The following JAK1 variants were observed in gnomAD, a reference collection of about 807,000 sequenced individuals.
JAK1 encodes tyrosine-protein kinase JAK1.
A neutral mutation model predicts 136.6 loss-of-function variants in JAK1; 16 were observed. The ratio of observed to expected loss-of-function variants is 0.12; its 90% CI spans 0.08 to 0.18. The LOEUF is 0.18. Ranked by LOEUF, JAK1 falls within the 10% of genes least tolerant of loss-of-function variation. The pLI is 1.00. For synonymous variants in JAK1, 492 were observed against 519.5 expected (o/e 0.95, Z 0.72); for missense variants, 859 against 1,450.1 (o/e 0.59, Z 6.62).
At chr1:64,886,206 AT>A in intron 2 of JAK1, 52 bp downstream of exon 2, 7 of 1,241,324 alleles carry the variant, frequency 5.6e-6, no homozygotes, top group South Asian at 2.5e-5. Context: ...GGTTTCATCA[AT>A]TTTTTTAAAG....
chr1:65,039,566 T>C (rs1647110779), intron 2 of JAK1, among the ~76,000 whole-genome samples: 1 of 152,188 alleles, frequency 6.6e-6, no homozygotes, highest in Admixed American at 6.5e-5. Context: ...AAACCCAGGT[T>C]TGACTGACTC....
intron 1 of JAK1, among the ~76,000 whole-genome samples, chr1:64,965,987 T>A (rs1183982722): frequency 2.0e-5 from 3 of 151,910 alleles, no homozygotes; most frequent in African/African-American, 7.3e-5. Context: ...CGCGCCTGTA[T>A]CTCGGGGTGG....
intron 4 of JAK1, 120 bp from the exon 5 acceptor site, chr1:64,873,643 C>G: frequency 9.4e-7 from 1 of 1,064,870 alleles, no homozygotes; most frequent in South Asian, 1.4e-5. Flanking sequence ...AGCAGGCAGA[C>G]AACCCTGCCC....
chr1:64,850,074 C>T (rs1252640930), intron 12 of JAK1, among the ~76,000 whole-genome samples: 2 of 152,222 alleles, frequency 1.3e-5, no homozygotes, highest in Admixed American at 6.5e-5. Context: ...CTCCAAGGCG[C>T]TGCCATCTCC....
intron 20 of JAK1, among the ~76,000 whole-genome samples, chr1:64,838,854 A>T (rs943935310): frequency 3.3e-5 from 5 of 152,204 alleles, no homozygotes; most frequent in Non-Finnish European, 7.3e-5. Context: ...ACTGTTTTCA[A>T]AAATTATCGG....
At chr1:64,877,398 A>G (rs1644689931) in intron 4 of JAK1, among the ~76,000 whole-genome samples, 1 of 152,132 alleles carries the variant, frequency 6.6e-6, no homozygotes, top group African/African-American at 2.4e-5. Flanking sequence ...CATGTCAGGT[A>G]CAGAGTCAAG....
chr1:64,956,867 G>A (rs1646197006), intron 1 of JAK1, among the ~76,000 whole-genome samples: 1 of 152,166 alleles, frequency 6.6e-6, no homozygotes, highest in African/African-American at 2.4e-5. Context: ...GGGGGAGGAG[G>A]AGAAGTGAGA....
chr1:64,869,423 C>T lies in JAK1; in HGVS notation c.535G>A (p.Glu179Lys), dbSNP rs1557650255. The stretch of plus-strand genomic sequence containing the variant: ...TTCTCAATATCATGTCCATCCTGCT[C>T]GGTCTTGGGGTCTCGAATAGGAGCC... ...CLAPIRDPKT[E>K]QDGHDIENEC... Residue 179 changes from glutamate to lysine, a missense_variant, in exon 6 of 25, where the codon GAG becomes AAG. Transcript: ENST00000342505. The T allele has an allele frequency of 1.9e-6, 3 of 1,613,928 alleles. No individual in the cohort carries two copies. Among genetic ancestry groups the T allele is most frequent in the Non-Finnish European group, 2.5e-6 (3 of 1,179,880 alleles).
intron 2 of JAK1, among the ~76,000 whole-genome samples, chr1:65,041,083 C>G (rs1348070972): frequency 6.6e-6 from 1 of 152,120 alleles, no homozygotes; most frequent in Non-Finnish European, 1.5e-5. Flanking sequence ...ATGTCAAGTG[C>G]CCAAACTGAT....
At chr1:64,839,043 G>A (rs542440503) in intron 20 of JAK1, among the ~76,000 whole-genome samples, 75 of 150,072 alleles carry the variant, frequency 5.0e-4, no homozygotes, top group East Asian at 2.4e-3. Flanking sequence ...CTACTCGGGA[G>A]GCTGAGGCAG....
intron 1 of JAK1, among the ~76,000 whole-genome samples, chr1:64,896,010 A>T (rs1645008645): frequency 6.6e-6 from 1 of 152,244 alleles, no homozygotes; most frequent in Non-Finnish European, 1.5e-5. Context: ...CTACTCGGGA[A>T]CGGGGAAGCT....
chr1:64,860,672 T>C (rs1419231172), intron 8 of JAK1, among the ~76,000 whole-genome samples: 1 of 152,104 alleles, frequency 6.6e-6, no homozygotes, highest in Non-Finnish European at 1.5e-5. Context: ...CAGGCTGGTC[T>C]TGAACTCCTG....
intron 1 of JAK1, among the ~76,000 whole-genome samples, chr1:64,965,490 A>T (rs1015541577): frequency 2.0e-5 from 3 of 152,150 alleles, no homozygotes; most frequent in Admixed American, 1.3e-4. Flanking sequence ...CACACATCCA[A>T]GGAGCCCACA....
At chr1:65,015,755 C>G (rs1646887406) in intron 2 of JAK1, among the ~76,000 whole-genome samples, 1 of 151,912 alleles carries the variant, frequency 6.6e-6, no homozygotes, top group Non-Finnish European at 1.5e-5. Context: ...AGACTTTAAG[C>G]CAAAAATCAT....
At chr1:64,985,481 G>A in intron 2 of JAK1, 1 of 1,598,850 alleles carries the variant, frequency 6.3e-7, no homozygotes, top group African/African-American at 1.3e-5. Context: ...GACTTTCAGG[G>A]CAAAAAGGAA....
At chr1:64,968,685 A>G (rs947473679), upstream of JAK1, among the ~76,000 whole-genome samples, 1 of 152,170 alleles carries the variant, frequency 6.6e-6, no homozygotes, top group East Asian at 1.9e-4. Flanking sequence ...TAATCCCAGC[A>G]CTTTGGGAGG....
At chr1:64,913,526 A>G (rs1011899717) in intron 1 of JAK1, among the ~76,000 whole-genome samples, 1 of 151,938 alleles carries the variant, frequency 6.6e-6, no homozygotes, top group Admixed American at 6.6e-5. Context: ...CACTAATAGA[A>G]CTGACTAATC....
rs767155676 is a variant in JAK1, at chr1:64,866,827, G to A, written c.990+39C>T. The A allele has an allele frequency of 1.9e-5, 28 of 1,451,972 alleles. 1 individual carries two copies. The highest frequency in any genetic ancestry group is 5.3e-5 in the Admixed American group (3 of 56,974). 89.9% of individuals were successfully genotyped at this position (1,451,972 alleles called of 1,614,324 possible). The stretch of plus-strand genomic sequence containing the variant: ...ATAAACAGCATACGCTATGTGACAC[G>A]GGAATGTTCTCTTTGATCGACTGCC... On this transcript the variant is annotated intron_variant, in intron 7 of 24. Coordinates refer to ENST00000342505, the MANE Select transcript of JAK1 (RefSeq NM_002227.4).
intron 1 of JAK1, among the ~76,000 whole-genome samples, chr1:64,909,719 G>A (rs1645250313): frequency 2.0e-5 from 3 of 152,062 alleles, no homozygotes; most frequent in Non-Finnish European, 2.9e-5. Context: ...AGCTACTTGG[G>A]AGGCTGAAGT....
Sources: gnomAD v4.1 joint callset for allele counts (sites outside exome capture counted in the v4.1 genomes callset) on GRCh38, gnomAD v4.1.1 for gene constraint, MANE v1.5 for transcripts, NCBI Gene and HGNC (gene_info 2026-07-23, HGNC 2026-07-21) for gene names.